The following TMEM40 variants were observed in gnomAD, a reference collection of about 807,000 sequenced individuals.
TMEM40 encodes transmembrane protein 40.
TMEM40 carries 34 observed loss-of-function variants against 40.8 expected under a neutral mutation model. The ratio of observed to expected loss-of-function variants is 0.83; its 90% confidence interval spans 0.63 to 1.11. The LOEUF (loss-of-function observed/expected upper bound fraction) is 1.11. TMEM40 is among the 50% of genes least tolerant of loss of function. TMEM40 has a pLI of 0.00. For missense variants in TMEM40, 296 were observed against 280.2 expected (o/e 1.06, Z -0.40); for synonymous variants, 106 against 107.0 (o/e 0.99, Z 0.06).
Position 12,736,601 on chromosome 3 carries a change from G to A in TMEM40, c.596C>T (p.Thr199Ile). Residue 199 changes from threonine to isoleucine, a missense_variant, in exon 10 of 12, where the codon ACC (threonine) becomes ATC (isoleucine). Physicochemically the swap from Thr to Ile is moderately conservative, Grantham distance 89 (BLOSUM62 -1). Transcript: ENST00000314124. ...VGLLTFASLETVGIYFGLVYR... is the reference protein window; with the variant it reads ...VGLLTFASLEIVGIYFGLVYR... ...ACCTAGTCCGAAGTAGATGCCAACG[G>A]TTTCCAGGGAGGCGAAGGTGAGCAG... The A allele has an allele frequency of 6.4e-7, 1 of 1,561,880 alleles. No homozygotes were observed. Among genetic ancestry groups the A allele is most frequent in the South Asian group, 1.2e-5 (1 of 85,636 alleles).
upstream of TMEM40, among the ~76,000 whole-genome samples, chr3:12,763,027 G>A (rs1379210140): frequency 1.3e-5 from 2 of 151,528 alleles, no homozygotes; most frequent in Non-Finnish European, 2.9e-5. Context: ...GGGCGTGGTG[G>A]CGGGCTCCCG....
At chr3:12,747,489 A>G (rs2061438366) in intron 3 of TMEM40, among the ~76,000 whole-genome samples, 1 of 152,228 alleles carries the variant, frequency 6.6e-6, no homozygotes, top group African/African-American at 2.4e-5. Flanking sequence ...CCCAGCACAG[A>G]GTAAGCATTC....
intron 6 of TMEM40, 141 bp from the exon 7 acceptor site, chr3:12,738,309 T>C (rs1408840970): frequency 9.5e-7 from 1 of 1,054,248 alleles, no homozygotes; most frequent in African/African-American, 1.6e-5. Context: ...TTCTCTCTAT[T>C]GATGGCTGGT....
upstream of TMEM40, among the ~76,000 whole-genome samples, chr3:12,761,839 A>G (rs1002200502): frequency 1.3e-5 from 2 of 152,166 alleles, no homozygotes; most frequent in African/African-American, 4.8e-5. Flanking sequence ...ATGTGCTGTG[A>G]GTGTAAAATA....
upstream of TMEM40, among the ~76,000 whole-genome samples, chr3:12,760,896 C>G (rs1269329243): frequency 6.6e-6 from 1 of 152,190 alleles, no homozygotes; most frequent in African/African-American, 2.4e-5. Flanking sequence ...CATGCACCCC[C>G]ACGCCTGGCT....
chr3:12,745,962 A>G lies in TMEM40; in HGVS notation c.212-1973T>C, dbSNP rs1375674880. ...ACCCAGGTTGGAGTGCAGCGGTGCA[A>G]TCTCAGCTCACTGCTACCTCTGCCT... On this transcript the variant is annotated intron_variant, in intron 3 of 11. Transcript: ENST00000314124. Among the ~76,000 whole-genome samples, 3 of 151,656 alleles carry G rather than the reference A, an allele frequency of 2.0e-5. No homozygotes were observed. The East Asian group carries it at 5.8e-4, about 29-fold the overall frequency.
intron 5 of TMEM40, among the ~76,000 whole-genome samples, chr3:12,740,573 G>T (rs1480187385): frequency 2.0e-5 from 3 of 148,666 alleles, no homozygotes; most frequent in Non-Finnish European, 3.0e-5. Flanking sequence ...AGCTTTCTGT[G>T]TGGGCCAGGT....
intron 1 of TMEM40, among the ~76,000 whole-genome samples, chr3:12,755,032 C>G (rs2061508548): frequency 7.0e-6 from 1 of 142,726 alleles, no homozygotes; most frequent in East Asian, 2.0e-4. Flanking sequence ...TTCCCCCTCC[C>G]TCCCTCCTTT....
intron 1 of TMEM40, among the ~76,000 whole-genome samples, chr3:12,757,469 CAAAAA>C (rs796454706): frequency 3.4e-5 from 3 of 87,294 alleles, no homozygotes; most frequent in Non-Finnish European, 2.6e-5. Context: ...AACTCCGTCT[CAAAAA>C]AAAAAAAAAA....
At position 12,742,471 on chromosome 3, in the gene TMEM40, T is replaced by G; in HGVS notation, c.338A>C (p.Glu113Ala). ...GHGEPDVLKDELQLYGDAPGE... is the reference protein window; with the variant it reads ...GHGEPDVLKDALQLYGDAPGE... ...CTGATTACCTCCATAGAGTTGAAGC[T>G]CATCCTTCAAAACGTCAGGCTCCCC... The change falls in exon 5 of 12, where the codon GAG (glutamate) becomes GCG (alanine). Residue 113 changes from glutamate to alanine, a missense_variant. Glu to Ala is a moderately radical substitution (Grantham distance 107). Coordinates refer to ENST00000314124, the MANE Select transcript of TMEM40 (RefSeq NM_018306.4). The G allele has an allele frequency of 6.2e-7, 1 of 1,613,970 alleles. No individual in the cohort carries two copies. The highest frequency in any genetic ancestry group is 8.5e-7 in the Non-Finnish European group (1 of 1,179,924).
intron 1 of TMEM40, among the ~76,000 whole-genome samples, chr3:12,755,666 T>C (rs1324355531): frequency 1.3e-5 from 2 of 152,146 alleles, no homozygotes; most frequent in Admixed American, 6.5e-5. Flanking sequence ...TAGTTAATAG[T>C]ATATAGTTTA....
At position 12,742,523 on chromosome 3, in the gene TMEM40, C is replaced by T; in HGVS notation, c.302-16G>A. On this transcript the variant is annotated splice_polypyrimidine_tract_variant and intron_variant, in intron 4 of 11. Coordinates refer to ENST00000314124, the MANE Select transcript of TMEM40 (RefSeq NM_018306.4). ...TGCCCAGGACCTGGATGGAGACAAA[C>T]CCCTTAGTCAGCACTCCCCAAACAC... is the stretch of plus-strand genomic sequence containing the variant. 1 of 1,613,582 alleles carries T rather than the reference C, an allele frequency of 6.2e-7. No homozygotes were observed. Among genetic ancestry groups the T allele is most frequent in the Non-Finnish European group, 8.5e-7 (1 of 1,179,650 alleles).
intron 6 of TMEM40, 123 bp from the exon 7 acceptor site, chr3:12,738,291 C>T (rs549106596): frequency 2.0e-5 from 23 of 1,148,154 alleles, no homozygotes; most frequent in South Asian, 1.7e-4. Context: ...GCAGCCCCCA[C>T]GGTATCCTTC....
At position 12,743,965 on chromosome 3, in the gene TMEM40, G is replaced by T. The variant is rs138475655; in HGVS notation, c.236C>A (p.Pro79His). Residue 79 changes from proline to histidine, a missense_variant, in exon 4 of 12, where the codon CCC becomes CAC. Physicochemically the swap from Pro to His is moderately conservative, Grantham distance 77. Coordinates refer to ENST00000314124, the MANE Select transcript of TMEM40 (RefSeq NM_018306.4). ...SSESNDEDQQ[P>H]RATGKHRRSL... ...CCGTCGATGTTTTCCGGTTGCTCTGGGTTGCTGGTCCTCATCATTGCTCTC... is the reference window on the plus strand; with the variant it reads ...CCGTCGATGTTTTCCGGTTGCTCTGTGTTGCTGGTCCTCATCATTGCTCTC... The T allele has an allele frequency of 6.2e-7, 1 of 1,613,196 alleles. No homozygotes were observed. The highest frequency in any genetic ancestry group is 1.1e-5 in the South Asian group (1 of 90,648).
intron 6 of TMEM40, 87 bp from the exon 7 acceptor site, chr3:12,738,255 C>T: frequency 6.1e-6 from 9 of 1,471,070 alleles, no homozygotes; most frequent in Non-Finnish European, 8.5e-6. Context: ...TATAGGTGAC[C>T]TAAAAAAATG....
At chr3:12,738,706 G>A (rs562634799) in intron 5 of TMEM40, 118 bp from the exon 6 acceptor site, 3 of 1,104,560 alleles carry the variant, frequency 2.7e-6, no homozygotes, top group East Asian at 2.4e-5. Context: ...AGTCGGCCAG[G>A]TGGGGAATGG....
intron 1 of TMEM40, among the ~76,000 whole-genome samples, chr3:12,764,920 G>A (rs1245620713): frequency 6.6e-6 from 1 of 151,950 alleles, no homozygotes. Flanking sequence ...TGCCCAGGGT[G>A]GAGTGCAGTG....
chr3:12,756,904 G>C, intron 1 of TMEM40, among the ~76,000 whole-genome samples: 1 of 151,248 alleles, frequency 6.6e-6, no homozygotes, highest in East Asian at 1.9e-4. Flanking sequence ...CTGACAATAA[G>C]AAACAAAAAG....
chr3:12,735,898 T>C (rs2061333756), intron 10 of TMEM40, among the ~76,000 whole-genome samples: 1 of 152,238 alleles, frequency 6.6e-6, no homozygotes, highest in Non-Finnish European at 1.5e-5. Context: ...TTGCCACTTT[T>C]ATTTATTTAT....
Sources: gnomAD v4.1 joint callset for allele counts (sites outside exome capture counted in the v4.1 genomes callset) on GRCh38, gnomAD v4.1.1 for gene constraint, MANE v1.5 for transcripts, NCBI Gene and HGNC (gene_info 2026-07-23, HGNC 2026-07-21) for gene names.